The following CSMD1 variants were observed in gnomAD, a reference collection of about 807,000 sequenced individuals.
The protein encoded by CSMD1 is CUB and Sushi multiple domains 1.
In CSMD1, 213 loss-of-function variants were observed where a neutral mutation model predicts 417.5. The ratio of observed to expected loss-of-function variants is 0.51; its 90% CI spans 0.46 to 0.57. The LOEUF (loss-of-function observed/expected upper bound fraction) is 0.57. Among genes scored for constraint, CSMD1 ranks in the 20% least tolerant of loss-of-function variants. The pLI is 0.00. For missense variants in CSMD1, 6,923 were observed against 4,529.7 expected (o/e 1.53, Z -15.17); for synonymous variants, 2,862 against 1,736.8 (o/e 1.65, Z -16.11).
At chr8:3,652,987 T>C in intron 7 of CSMD1, among the ~76,000 whole-genome samples, 1 of 152,134 alleles carries the variant, frequency 6.6e-6, no homozygotes, top group Non-Finnish European at 1.5e-5. Flanking sequence ...ATTAGCATTG[T>C]CTGCACTATT....
intron 33 of CSMD1, among the ~76,000 whole-genome samples, chr8:3,194,523 T>C (rs1396665505): frequency 6.6e-6 from 1 of 151,732 alleles, no homozygotes; most frequent in Non-Finnish European, 1.5e-5. Context: ...AGTGGTGTGA[T>C]CTAGGCTCAC....
intron 2 of CSMD1, among the ~76,000 whole-genome samples, chr8:4,479,800 C>A (rs533881815): frequency 6.6e-6 from 1 of 151,754 alleles, no homozygotes; most frequent in Non-Finnish European, 1.5e-5. Context: ...CCGTTCTCTA[C>A]TGAAAACACA....
chr8:3,785,696 G>T (rs1326764455), intron 5 of CSMD1, among the ~76,000 whole-genome samples: 5 of 152,168 alleles, frequency 3.3e-5, no homozygotes, highest in Non-Finnish European at 5.9e-5. Context: ...GTGCATGGAG[G>T]AGCCACGTGC....
intron 1 of CSMD1, among the ~76,000 whole-genome samples, chr8:4,750,196 A>C (rs956168394): frequency 1.9e-4 from 29 of 151,806 alleles, no homozygotes; most frequent in African/African-American, 6.8e-4. Context: ...TTTAGTAGAG[A>C]CAGGGTTTCA....
At chr8:3,859,599 C>G (rs1804553104) in intron 5 of CSMD1, among the ~76,000 whole-genome samples, 1 of 152,064 alleles carries the variant, frequency 6.6e-6, no homozygotes, top group African/African-American at 2.4e-5. Flanking sequence ...AAAGACCAAC[C>G]ATGTTATTTA....
chr8:4,461,933 G>A (rs924982685), intron 2 of CSMD1, among the ~76,000 whole-genome samples: 12 of 151,822 alleles, frequency 7.9e-5, no homozygotes, highest in Non-Finnish European at 1.5e-4. Flanking sequence ...AGAAGAGACG[G>A]GGTTTCATCA....
intron 2 of CSMD1, among the ~76,000 whole-genome samples, chr8:4,440,532 G>C (rs560070695): frequency 5.8e-4 from 89 of 152,204 alleles, no homozygotes; most frequent in Non-Finnish European, 9.7e-4. Context: ...GACATGTACA[G>C]ATAACATTGC....
At chr8:4,480,337 C>T (rs1190157568) in intron 2 of CSMD1, among the ~76,000 whole-genome samples, 1 of 152,142 alleles carries the variant, frequency 6.6e-6, no homozygotes, top group African/African-American at 2.4e-5. Flanking sequence ...CTTTGAGAAA[C>T]TGGTTCACCT....
chr8:3,554,778 AAAGT>A (rs754625076), intron 10 of CSMD1, among the ~76,000 whole-genome samples: 100 of 152,292 alleles, frequency 6.6e-4, no homozygotes, highest in Non-Finnish European at 1.1e-3. Flanking sequence ...GTAAATCTAC[AAAGT>A]AAGCAGAAGA....
intron 2 of CSMD1, among the ~76,000 whole-genome samples, chr8:4,424,795 T>C (rs2128942481): frequency 6.6e-6 from 1 of 152,254 alleles, no homozygotes; most frequent in South Asian, 2.1e-4. Flanking sequence ...GGTTGTGTAA[T>C]TATTATACCA....
chr8:3,901,164 C>T (rs749093392), intron 5 of CSMD1, among the ~76,000 whole-genome samples: 267 of 152,226 alleles, frequency 1.8e-3, no homozygotes, highest in Admixed American at 3.5e-3. Flanking sequence ...ATAGTATATC[C>T]TCAGCATGCA....
intron 1 of CSMD1, among the ~76,000 whole-genome samples, chr8:4,726,934 GA>G (rs1231002505): frequency 6.6e-6 from 1 of 152,090 alleles, no homozygotes; most frequent in Non-Finnish European, 1.5e-5. Context: ...TTCTTCTGGG[GA>G]TTGTACATAT....
intron 49 of CSMD1, among the ~76,000 whole-genome samples, chr8:3,079,207 A>G (rs1813906760): frequency 6.6e-6 from 1 of 152,150 alleles, no homozygotes; most frequent in Non-Finnish European, 1.5e-5. Context: ...TTTACAATAT[A>G]CTTGATGGGA....
chr8:2,968,877 T>C (rs2128930503), intron 57 of CSMD1, among the ~76,000 whole-genome samples: 1 of 152,316 alleles, frequency 6.6e-6, no homozygotes, highest in Middle Eastern at 3.4e-3. Flanking sequence ...TTATAAAAAG[T>C]ACATTTTGTT....
chr8:4,336,064 T>G (rs1800150823), intron 3 of CSMD1, among the ~76,000 whole-genome samples: 1 of 152,130 alleles, frequency 6.6e-6, no homozygotes, highest in African/African-American at 2.4e-5. Context: ...CAATAATGAT[T>G]AAGTTCCACA....
chr8:3,041,604 C>A (rs1240487239), intron 50 of CSMD1, among the ~76,000 whole-genome samples: 2 of 152,220 alleles, frequency 1.3e-5, no homozygotes, highest in Non-Finnish European at 2.9e-5. Flanking sequence ...AACAGCACCA[C>A]ATCTATCTGT....
intron 3 of CSMD1, among the ~76,000 whole-genome samples, chr8:4,196,946 G>C (rs961341740): frequency 6.6e-6 from 1 of 152,036 alleles, no homozygotes; most frequent in East Asian, 1.9e-4. Context: ...TTTGTTCTTT[G>C]CTCCAATTTT....
intron 4 of CSMD1, among the ~76,000 whole-genome samples, chr8:4,012,222 C>T (rs751033837): frequency 1.3e-5 from 2 of 151,932 alleles, no homozygotes; most frequent in Admixed American, 6.6e-5. Flanking sequence ...TTTACTCACT[C>T]GTCTCTTTAG....
rs556769502 is a variant in CSMD1, at chr8:3,360,528, G to C, written c.3116-1188C>G. Reference sequence around the variant, plus strand: ...CAGTCTGTAATGCCCAGTTTTGTCAGATAGTATCAAACAGTCAGCCAGCCA... The same window carrying C: ...CAGTCTGTAATGCCCAGTTTTGTCACATAGTATCAAACAGTCAGCCAGCCA... On this transcript the variant is annotated intron_variant, in intron 20 of 69. Coordinates refer to ENST00000635120, the MANE Select transcript of CSMD1 (RefSeq NM_033225.6). 1.3e-4 allele frequency among the ~76,000 whole-genome samples: 20 copies of C among 152,306 alleles called. No homozygotes were observed. The East Asian group carries it at 1.7e-3, about 13-fold the overall frequency.
Sources: gnomAD v4.1 joint callset for allele counts (sites outside exome capture counted in the v4.1 genomes callset) on GRCh38, gnomAD v4.1.1 for gene constraint, MANE v1.5 for transcripts, NCBI Gene and HGNC (gene_info 2026-07-23, HGNC 2026-07-21) for gene names.